RANBP2: variants seen among roughly 807,000 people sequenced by gnomAD.
RANBP2 encodes E3 SUMO-protein ligase RanBP2.
A neutral mutation model predicts 303.6 loss-of-function variants in RANBP2; 57 were observed. The ratio of observed to expected loss-of-function variants is 0.19; its 90% CI spans 0.15 to 0.23. RANBP2 has a LOEUF of 0.23. RANBP2 is among the 10% of genes least tolerant of loss of function. RANBP2 has a pLI of 1.00. For missense variants in RANBP2, 3,138 were observed against 3,780.8 expected (o/e 0.83, Z 4.46); for synonymous variants, 1,167 against 1,301.5 (o/e 0.90, Z 2.23).
the RANBP2 span, among the ~76,000 whole-genome samples, chr2:109,282,628 C>T: frequency 2.4e-4 from 37 of 152,334 alleles, no homozygotes; most frequent in African/African-American, 7.5e-4. Context: ...CTCTCGCCTC[C>T]GTGGTGGGAG....
At chr2:108,762,241 A>T in intron 19 of RANBP2, 46 bp downstream of exon 19, 1 of 1,493,446 alleles carries the variant, frequency 6.7e-7, no homozygotes, top group Non-Finnish European at 8.9e-7. Flanking sequence ...TCCTTTTTAA[A>T]TTGTTTAGGG....
the RANBP2 span, among the ~76,000 whole-genome samples, chr2:109,641,165 G>A: frequency 1.3e-5 from 2 of 150,674 alleles, no homozygotes; most frequent in African/African-American, 4.9e-5. Context: ...TTGAGATGGA[G>A]TATTGCTCTG....
At chr2:109,561,988 T>TGA in the RANBP2 span, among the ~76,000 whole-genome samples, 1 of 133,860 alleles carries the variant, frequency 7.5e-6, no homozygotes, top group Non-Finnish European at 1.6e-5. Flanking sequence ...CAGGAATTCC[T>TGA]GACCCCAAGG....
chr2:109,450,345 CAA>C, the RANBP2 span, among the ~76,000 whole-genome samples: 5 of 108,942 alleles, frequency 4.6e-5, no homozygotes, highest in Admixed American at 9.9e-5. Flanking sequence ...GACTGCATCT[CAA>C]AAAAAAAAAA....
At chr2:109,154,113 C>T in the RANBP2 span, among the ~76,000 whole-genome samples, 1 of 152,082 alleles carries the variant, frequency 6.6e-6, no homozygotes, top group Non-Finnish European at 1.5e-5. Context: ...ACTTTTATCT[C>T]GTGTGTTTAA....
chr2:108,863,619 A>T, the RANBP2 span, among the ~76,000 whole-genome samples: 1 of 152,206 alleles, frequency 6.6e-6, no homozygotes, highest in East Asian at 1.9e-4. Flanking sequence ...CTTTAATGTT[A>T]GGAGCTTTTA....
chr2:109,715,288 TG>T, the RANBP2 span, among the ~76,000 whole-genome samples: 1 of 151,946 alleles, frequency 6.6e-6, no homozygotes, highest in Non-Finnish European at 1.5e-5. Flanking sequence ...TTGTATTTTT[TG>T]TAGAGACTGG....
the RANBP2 span, among the ~76,000 whole-genome samples, chr2:109,319,082 T>A: frequency 6.6e-6 from 1 of 152,162 alleles, no homozygotes; most frequent in African/African-American, 2.4e-5. Flanking sequence ...CAGCTCACTT[T>A]AGGGACAGCA....
chr2:109,169,292 T>C, the RANBP2 span, among the ~76,000 whole-genome samples: 1 of 152,186 alleles, frequency 6.6e-6, no homozygotes, highest in Admixed American at 6.5e-5. Flanking sequence ...GGGTATATTA[T>C]TTTTGCCAAG....
At chr2:109,585,249 G>A in the RANBP2 span, 13 of 1,613,024 alleles carry the variant, frequency 8.1e-6, no homozygotes, top group South Asian at 1.1e-5. Context: ...GCAAAAATGT[G>A]AGGATTCATA....
At chr2:109,379,354 T>G in the RANBP2 span, among the ~76,000 whole-genome samples, 5 of 152,198 alleles carry the variant, frequency 3.3e-5, no homozygotes, top group African/African-American at 1.2e-4. Context: ...GCCTTTAAAG[T>G]CATGGTTTAC....
At chr2:109,209,651 C>T in the RANBP2 span, among the ~76,000 whole-genome samples, 780 of 152,242 alleles carry the variant, frequency 5.1e-3, 4 homozygotes, top group Middle Eastern at 0.031. Flanking sequence ...GTGAATCAGT[C>T]GACTGCTCCT....
chr2:108,768,135 A>G lies in RANBP2; in HGVS notation c.7596A>G (p.Pro2532=), dbSNP rs1677242055. Residue 2532 remains proline (P), a synonymous_variant, in exon 20 of 29, where the codon CCA becomes CCG. Transcript: ENST00000283195. ...KSIFSSEKSK[P]FAFGNSSATG... is the part of the protein sequence containing the mutation. ...TTTTTAGTAGTGAAAAATCAAAACC[A>G]TTTGCATTCGGCAACAGTTCAGCCA... 4 of 1,611,918 alleles carry G rather than the reference A, an allele frequency of 2.5e-6. No homozygotes were observed. Among genetic ancestry groups the G allele is most frequent in the Non-Finnish European group, 3.4e-6 (4 of 1,179,878 alleles).
the RANBP2 span, among the ~76,000 whole-genome samples, chr2:108,920,145 C>T: frequency 3.9e-5 from 6 of 152,360 alleles, no homozygotes; most frequent in South Asian, 4.1e-4. Flanking sequence ...GGCCAGCTCA[C>T]GTGCCGTGGA....
the RANBP2 span, chr2:109,616,231 A>G: frequency 1.8e-6 from 2 of 1,136,586 alleles, no homozygotes; most frequent in Non-Finnish European, 2.3e-6. Context: ...TTCTGGGAAA[A>G]GTGGATGTCT....
the RANBP2 span, among the ~76,000 whole-genome samples, chr2:109,333,836 T>C: frequency 6.6e-6 from 1 of 152,154 alleles, no homozygotes; most frequent in African/African-American, 2.4e-5. Flanking sequence ...TAATAATATC[T>C]CCATTATAAT....
At chr2:109,614,259 A>AGCGGAAGTGGGCGT in the RANBP2 span, 13 of 676,078 alleles carry the variant, frequency 1.9e-5, no homozygotes, top group Non-Finnish European at 2.6e-5. Context: ...GACAGCGGGG[A>AGCGGAAGTGGGCGT]GCGGAAGTGG....
chr2:109,345,971 A>G, the RANBP2 span, among the ~76,000 whole-genome samples: 1 of 152,234 alleles, frequency 6.6e-6, no homozygotes, highest in South Asian at 2.1e-4. Context: ...GTCCCAAATT[A>G]AGATTCCCTG....
At chr2:108,929,036 C>T in the RANBP2 span, among the ~76,000 whole-genome samples, 9 of 152,224 alleles carry the variant, frequency 5.9e-5, no homozygotes, top group African/African-American at 1.7e-4. Context: ...CAGGACTCTC[C>T]GTCCTGGATG....
Sources: allele counts gnomAD v4.1 joint callset (sites outside exome capture counted in the v4.1 genomes callset), GRCh38; gene constraint gnomAD v4.1.1; transcripts MANE v1.5; gene names NCBI Gene and HGNC (gene_info 2026-07-23, HGNC 2026-07-21).